Variants in COL6A6 observed in about 807,000 individuals in gnomAD.
COL6A6 encodes the protein collagen alpha-6(VI) chain.
Under a neutral mutation model 208.6 loss-of-function variants are expected in COL6A6, and 183 were observed. That is an observed-to-expected ratio of 0.88 (90% CI 0.78 to 0.99). The LOEUF (loss-of-function observed/expected upper bound fraction) is 0.99, where lower values mean the gene tolerates loss of function less well. Among genes scored for constraint, COL6A6 ranks in the 50% least tolerant of loss-of-function variants. COL6A6 has a pLI of 0.00. For synonymous variants in COL6A6, 973 were observed against 1,011.8 expected, an observed-to-expected ratio of 0.96 and a Z score of 0.73; for missense variants, 2,816 against 2,815.2, an observed-to-expected ratio of 1.00 and a Z score of -0.01.
rs77935792 is a variant in COL6A6, at chr3:130,578,993, C to G, written c.3548-2568C>G. Among the ~76,000 whole-genome samples the G allele has an allele frequency of 6.3e-3, 961 of 152,288 alleles. 3 individuals are homozygous for G. The highest frequency in any genetic ancestry group is 0.021 in the African/African-American group (864 of 41,552). ...AATCTGGGAGGTATATAAACTGAGTCTCTAACAGTCCCTAGCTATACTTTA... is the reference window on the plus strand; with the variant it reads ...AATCTGGGAGGTATATAAACTGAGTGTCTAACAGTCCCTAGCTATACTTTA... On this transcript the variant is annotated intron_variant, in intron 8 of 36. Transcript: ENST00000358511.
At chr3:130,644,842 C>T (rs2065422181) in intron 31 of COL6A6, 149 bp from the exon 32 acceptor site, 1 of 724,642 alleles carries the variant, frequency 1.4e-6, no homozygotes, top group African/African-American at 1.8e-5. Flanking sequence ...AGATGTTAGA[C>T]TCTGTCTGCA....
chr3:130,525,036 A>G (rs929438275), intron 1 of COL6A6, among the ~76,000 whole-genome samples: 2 of 152,240 alleles, frequency 1.3e-5, no homozygotes, highest in African/African-American at 4.8e-5. Flanking sequence ...TATATACATT[A>G]TCACATTTAA....
At chr3:130,554,054 G>A (rs1399251345) in intron 1 of COL6A6, among the ~76,000 whole-genome samples, 1 of 152,190 alleles carries the variant, frequency 6.6e-6, no homozygotes, top group Non-Finnish European at 1.5e-5. Context: ...GGCCCCTTGA[G>A]GTTAGGAACC....
At chr3:130,586,805 G>A (rs1577796858) in intron 11 of COL6A6, 145 bp downstream of exon 11, 2 of 725,618 alleles carry the variant, frequency 2.8e-6, no homozygotes, top group African/African-American at 3.6e-5. Context: ...GCCTAAGTAA[G>A]AGGGTTTGTT....
At chr3:130,619,229 G>A (rs988517209) in intron 23 of COL6A6, among the ~76,000 whole-genome samples, 13 of 152,116 alleles carry the variant, frequency 8.5e-5, no homozygotes, top group African/African-American at 2.7e-4. Flanking sequence ...TAGAGGAATC[G>A]GGGGGACAAG....
rs145484760 is a variant in COL6A6, at chr3:130,528,259, C to T, written c.-32+10862C>T. Among the ~76,000 whole-genome samples the T allele has an allele frequency of 2.9e-3, 440 of 152,220 alleles. 1 individual carries two copies. The highest frequency in any genetic ancestry group is 9.9e-3 in the African/African-American group (412 of 41,528). On this transcript the variant is annotated intron_variant, in intron 1 of 36. Transcript: ENST00000358511. The stretch of plus-strand genomic sequence containing the variant: ...ACAAAAAGGTTGCCAGAGAGGGTGG[C>T]AGTGGCCAGATGGGCATGGGGCAGG...
Position 130,560,347 on chromosome 3 carries a change from G to C in COL6A6, c.-18G>C. 1.2e-5 allele frequency: 19 copies of C among 1,598,406 alleles called. No individual in the cohort carries two copies. Among genetic ancestry groups the C allele is most frequent in the Non-Finnish European group, 1.6e-5 (19 of 1,173,596 alleles). Reference sequence around the variant, plus strand: ...TTGCCTTTTCAGATTTGAAGTTGAAGATTTTTCAGGTCATAATATGATGTT... The same window carrying C: ...TTGCCTTTTCAGATTTGAAGTTGAACATTTTTCAGGTCATAATATGATGTT... On this transcript the variant is annotated 5_prime_UTR_variant, in exon 2 of 37. Coordinates refer to ENST00000358511, the MANE Select transcript of COL6A6 (RefSeq NM_001102608.3).
intron 32 of COL6A6, among the ~76,000 whole-genome samples, chr3:130,645,617 T>C (rs1306233223): frequency 6.6e-6 from 1 of 152,156 alleles, no homozygotes; most frequent in Non-Finnish European, 1.5e-5. Flanking sequence ...TCTCCCTGTG[T>C]CATATCATCT....
intron 23 of COL6A6, among the ~76,000 whole-genome samples, chr3:130,610,921 G>A (rs2064338286): frequency 6.6e-6 from 1 of 152,092 alleles, no homozygotes; most frequent in African/African-American, 2.4e-5. Flanking sequence ...AGAAAATCTA[G>A]CCCTCTTTGC....
chr3:130,675,536 A>ATATATCTTG lies in COL6A6; in HGVS notation c.*141_*149dup, dbSNP rs2066338609. On this transcript the variant is annotated 3_prime_UTR_variant, in exon 37 of 37. Transcript: ENST00000358511. Reference sequence around the variant, plus strand: ...ACCCCCTGCATTCATTGGTATTAAGATATATCTTGTTCATTTATTTGACCA... The same window carrying ATATATCTTG: ...ACCCCCTGCATTCATTGGTATTAAGATATATCTTGTATATCTTGTTCATTTATTTGACCA... 1 of 568,226 alleles carries ATATATCTTG rather than the reference A, an allele frequency of 1.8e-6. No individual in the cohort carries two copies. The highest frequency in any genetic ancestry group is 1.9e-5 in the African/African-American group (1 of 53,644). The allele number at this position is 568,226 out of a possible 1,614,324, so 35.2% of individuals were successfully genotyped here.
chr3:130,568,500 AG>A lies in COL6A6; in HGVS notation c.2299del (p.Glu767ArgfsTer42). The A allele has an allele frequency of 6.2e-7, 1 of 1,613,756 alleles. No homozygotes were observed. Among genetic ancestry groups the A allele is most frequent in the South Asian group, 1.1e-5 (1 of 91,076 alleles). On this transcript the variant is annotated frameshift_variant, in exon 6 of 37. Transcript: ENST00000358511. LOFTEE classifies it high-confidence loss of function. ...TTTGGCTCCAATGTCACCCAGCTTG[AG>A]GAGATCAGTGGGAGGCCCGAGATGG... is the stretch of plus-strand genomic sequence containing the variant. The part of the protein sequence containing the change: ...GVFGSNVTQL[E>X]EISGRPEMVF...
intron 20 of COL6A6, among the ~76,000 whole-genome samples, chr3:130,600,828 A>G (rs1168544649): frequency 6.6e-6 from 1 of 152,212 alleles, no homozygotes; most frequent in East Asian, 1.9e-4. Context: ...CACTTATGTA[A>G]CAAACCTACA....
At chr3:130,656,878 C>G (rs1384080677) in intron 33 of COL6A6, among the ~76,000 whole-genome samples, 4 of 152,238 alleles carry the variant, frequency 2.6e-5, no homozygotes, top group Non-Finnish European at 5.9e-5. Context: ...TGCAACAGTG[C>G]CTGGGCTCAG....
In COL6A6 at chr3:130,571,091, T is replaced by C; in HGVS notation, c.2675T>C (p.Leu892Pro). Residue 892 changes from leucine (L) to proline (P), a missense_variant, in exon 7 of 37, where the codon CTG (leucine) becomes CCG (proline). By Grantham distance (98) the Leu-to-Pro change is moderately conservative (BLOSUM62 -3). Transcript: ENST00000358511. ...MGGSTYTAEA[L>P]GFSDHMFTEA... is the part of the protein sequence containing the mutation. ...GGCAGTACTTATACTGCTGAGGCAC[T>C]GGGCTTCTCAGACCACATGTTCACT... 2 of 1,613,924 alleles carry C rather than the reference T, an allele frequency of 1.2e-6. No homozygotes were observed. Among genetic ancestry groups the C allele is most frequent in the Non-Finnish European group, 1.7e-6 (2 of 1,179,828 alleles).
chr3:130,547,187 G>A (rs1414496034), intron 1 of COL6A6, among the ~76,000 whole-genome samples: 1 of 152,262 alleles, frequency 6.6e-6, no homozygotes, highest in East Asian at 1.9e-4. Context: ...GCAGGCTGCA[G>A]GTCCCGAGCC....
At position 130,626,440 on chromosome 3, in the gene COL6A6, A is replaced by G. The variant is rs780551238; in HGVS notation, c.4879-45A>G. ...CACACAGATGAGCTGAATTAGTGCC[A>G]TCATTTCCAATTTCCAACCTAAAAA... On this transcript the variant is annotated intron_variant, in intron 24 of 36. Coordinates refer to ENST00000358511, the MANE Select transcript of COL6A6 (RefSeq NM_001102608.3). 3.7e-6 allele frequency: 5 copies of G among 1,369,458 alleles called. No individual in the cohort carries two copies. In the Admixed American group the frequency reaches 8.4e-5, roughly 23 times the overall value. The allele number at this position is 1,369,458 out of a possible 1,614,324, so 84.8% of individuals were successfully genotyped here. A position where few individuals can be genotyped will look rare whatever the true frequency, so the allele number is the denominator to read the frequency against.
chr3:130,657,597 ACTC>A (rs935583312), intron 33 of COL6A6, among the ~76,000 whole-genome samples: 1 of 151,528 alleles, frequency 6.6e-6, no homozygotes, highest in East Asian at 1.9e-4. Context: ...AACAACAACA[ACTC>A]CTAAGATAGG....
chr3:130,535,335 G>T (rs1223995703), intron 1 of COL6A6, among the ~76,000 whole-genome samples: 2 of 152,096 alleles, frequency 1.3e-5, no homozygotes, highest in Admixed American at 1.3e-4. Flanking sequence ...TTTTATGGTT[G>T]TTTTTCAAAT....
chr3:130,521,381 T>C (rs2107663243), intron 1 of COL6A6, among the ~76,000 whole-genome samples: 1 of 152,350 alleles, frequency 6.6e-6, no homozygotes. Context: ...CTGTTTGTTA[T>C]AAAACAATAC....
Sources: allele counts gnomAD v4.1 joint callset (sites outside exome capture counted in the v4.1 genomes callset), GRCh38; gene constraint gnomAD v4.1.1; transcripts MANE v1.5; gene names NCBI Gene and HGNC (gene_info 2026-07-23, HGNC 2026-07-21).